The following TMEM114 variants were observed in gnomAD, a reference collection of about 807,000 sequenced individuals.
The protein encoded by TMEM114 is transmembrane protein 114.
In TMEM114, 6 loss-of-function variants were observed where a neutral mutation model predicts 6.2. The observed-to-expected ratio is 0.97, with a 90% CI of 0.53 to 1.91. TMEM114 has a LOEUF of 1.91. TMEM114 is among the 40% of genes most tolerant of loss of function. The pLI is 0.01. For missense variants in TMEM114, 218 were observed against 158.3 expected (o/e 1.38, Z -2.02); for synonymous variants, 104 against 73.0 (o/e 1.42, Z -2.16).
chr16:8,582,179 C>T (rs1026018864), intron 2 of TMEM114, among the ~76,000 whole-genome samples: 1 of 152,188 alleles, frequency 6.6e-6, no homozygotes, highest in Non-Finnish European at 1.5e-5. Flanking sequence ...CAGCTTCCAC[C>T]GCGGGCATGC....
At position 8,574,561 on chromosome 16, in the gene TMEM114, C is replaced by G. The variant is rs182836382; in HGVS notation, c.302-2337G>C. 2.6e-3 allele frequency among the ~76,000 whole-genome samples: 378 copies of G among 142,958 alleles called. 1 individual carries two copies. Among genetic ancestry groups the G allele is most frequent in the Non-Finnish European group, 4.5e-3 (298 of 65,792 alleles). 93.8% of individuals were successfully genotyped at this position (142,958 alleles called of 152,430 possible). On this transcript the variant is annotated intron_variant, in intron 2 of 3. Coordinates refer to ENST00000620492, the MANE Select transcript of TMEM114 (RefSeq NM_001146336.2). ...ACCTGTGGTCTTTCCTTCTTTCTTT[C>G]TTTCTTTCTTTCCTTCCTTCCTTCT...
chr16:8,563,997 ATGAG>A (rs1302070419), intron 2 of TMEM114, among the ~76,000 whole-genome samples: 12 of 142,828 alleles, frequency 8.4e-5, no homozygotes, highest in East Asian at 4.4e-4. Context: ...GCGGGAGGGA[ATGAG>A]TGAGTGAATG....
Position 8,569,887 on chromosome 16 carries a change from G to A in TMEM114, c.558C>T (p.Gly186=), listed in dbSNP as rs1308715414. The A allele has an allele frequency of 1.9e-6, 3 of 1,551,118 alleles. No individual in the cohort carries two copies. The highest frequency in any genetic ancestry group is 1.7e-6 in the Non-Finnish European group (2 of 1,146,972). ...TGATCCAGCCCAGGGCCAGGGACCA[G>A]CCGAAGCTGATGTCCACCTGGTCCA... ...ALLDQVDISF[G]WSLALGWISF... is the part of the protein sequence containing the mutation. The change falls in exon 4 of 4, where the codon GGC becomes GGT. Residue 186 remains glycine, a synonymous_variant. Coordinates refer to ENST00000620492, the MANE Select transcript of TMEM114 (RefSeq NM_001146336.2).
chr16:8,561,531 C>G (rs1901199612), intron 2 of TMEM114, among the ~76,000 whole-genome samples: 1 of 152,194 alleles, frequency 6.6e-6, no homozygotes, highest in Non-Finnish European at 1.5e-5. Context: ...CTGCTAAATC[C>G]TTGGTGTTTC....
chr16:8,576,397 T>A (rs1357820248), intron 2 of TMEM114, among the ~76,000 whole-genome samples: 2 of 152,172 alleles, frequency 1.3e-5, no homozygotes, highest in Non-Finnish European at 2.9e-5. Context: ...CAGCTCCCCA[T>A]GGAGTGTGTT....
At chr16:8,553,153 C>T (rs1900899155) in intron 2 of TMEM114, among the ~76,000 whole-genome samples, 2 of 152,216 alleles carry the variant, frequency 1.3e-5, no homozygotes, top group African/African-American at 4.8e-5. Context: ...CGATCGCAGC[C>T]GTTTCATTCC....
At chr16:8,561,086 A>G (rs994895179) in intron 2 of TMEM114, among the ~76,000 whole-genome samples, 2 of 152,152 alleles carry the variant, frequency 1.3e-5, no homozygotes, top group African/African-American at 2.4e-5. Flanking sequence ...TGCTCCCATG[A>G]TTCGATTATC....
chr16:8,580,743 T>C (rs1422322578), intron 2 of TMEM114, among the ~76,000 whole-genome samples: 6 of 152,196 alleles, frequency 3.9e-5, no homozygotes, highest in African/African-American at 1.4e-4. Context: ...CAGGCTGAAG[T>C]GCCGTGGGCC....
chr16:8,544,232 C>T (rs75530495), intron 2 of TMEM114, among the ~76,000 whole-genome samples: 5 of 152,286 alleles, frequency 3.3e-5, no homozygotes, highest in South Asian at 4.1e-4. Flanking sequence ...GGCTTTATGT[C>T]TTGCTTAACA....
chr16:8,559,967 T>A (rs9302868), intron 2 of TMEM114, among the ~76,000 whole-genome samples: 1 of 151,860 alleles, frequency 6.6e-6, no homozygotes, highest in Non-Finnish European at 1.5e-5. Flanking sequence ...TTTGCGTCTC[T>A]GTTCTGGAAA....
downstream of TMEM114, among the ~76,000 whole-genome samples, chr16:8,533,962 C>G (rs973299381): frequency 1.3e-5 from 2 of 152,170 alleles, no homozygotes; most frequent in African/African-American, 4.8e-5. Context: ...CATCTGACCA[C>G]GAAAGGCAAC....
At chr16:8,542,237 T>A (rs1337739181) in intron 2 of TMEM114, among the ~76,000 whole-genome samples, 1 of 152,186 alleles carries the variant, frequency 6.6e-6, no homozygotes, top group African/African-American at 2.4e-5. Flanking sequence ...GTTCCACCTG[T>A]AGGGCTCATT....
At chr16:8,556,505 G>C (rs116885412) in intron 2 of TMEM114, among the ~76,000 whole-genome samples, 3 of 151,986 alleles carry the variant, frequency 2.0e-5, no homozygotes, top group African/African-American at 7.2e-5. Context: ...CGTTGTTGTT[G>C]TTGTTGTTGT....
the TMEM114 span, among the ~76,000 whole-genome samples, chr16:8,528,255 C>G: frequency 1.3e-5 from 2 of 151,882 alleles, no homozygotes; most frequent in East Asian, 1.9e-4. Flanking sequence ...CGCACACACA[C>G]ACACACACGC....
Position 8,569,877 on chromosome 16 carries a change from C to G in TMEM114, c.568G>C (p.Ala190Pro), listed in dbSNP as rs928541524. 63 of 1,551,078 alleles carry G rather than the reference C, an allele frequency of 4.1e-5. No individual in the cohort carries two copies. The highest frequency in any genetic ancestry group is 5.5e-5 in the Non-Finnish European group (63 of 1,146,972). The change falls in exon 4 of 4, where the codon GCC becomes CCC. Residue 190 changes from alanine to proline, a missense_variant. Physicochemically the swap from Ala to Pro is conservative, Grantham distance 27 (BLOSUM62 -1). Coordinates refer to ENST00000620492, the MANE Select transcript of TMEM114 (RefSeq NM_001146336.2). ...QVDISFGWSL[A>P]LGWISFIAEL... ...GCGATGAAGCTGATCCAGCCCAGGGCCAGGGACCAGCCGAAGCTGATGTCC... is the reference window on the plus strand; with the variant it reads ...GCGATGAAGCTGATCCAGCCCAGGGGCAGGGACCAGCCGAAGCTGATGTCC...
downstream of TMEM114, among the ~76,000 whole-genome samples, chr16:8,567,293 G>A (rs1901578581): frequency 6.6e-6 from 1 of 152,102 alleles, no homozygotes; most frequent in Non-Finnish European, 1.5e-5. Flanking sequence ...TTTATCATCT[G>A]TTCCCATGTG....
At chr16:8,563,376 A>G (rs1378864495) in intron 2 of TMEM114, among the ~76,000 whole-genome samples, 3 of 150,982 alleles carry the variant, frequency 2.0e-5, no homozygotes, top group Non-Finnish European at 4.4e-5. Context: ...GGAGGGAATG[A>G]GTGAATGAGT....
downstream of TMEM114, among the ~76,000 whole-genome samples, chr16:8,536,693 G>T (rs1183248199): frequency 1.3e-5 from 2 of 151,178 alleles, no homozygotes; most frequent in South Asian, 2.1e-4. Context: ...TGTTTGTTTT[G>T]GGTTTTTTGC....
At chr16:8,568,619 C>T (rs1322768149), downstream of TMEM114, among the ~76,000 whole-genome samples, 4 of 152,290 alleles carry the variant, frequency 2.6e-5, no homozygotes, top group South Asian at 2.1e-4. Context: ...TGTTGATAAT[C>T]GTGTTGTCAT....
Sources: gnomAD v4.1 joint callset for allele counts (sites outside exome capture counted in the v4.1 genomes callset) on GRCh38, gnomAD v4.1.1 for gene constraint, MANE v1.5 for transcripts, NCBI Gene and HGNC (gene_info 2026-07-23, HGNC 2026-07-21) for gene names.